The following IGHMBP2 variants were observed in gnomAD, a reference collection of about 807,000 sequenced individuals.
IGHMBP2 encodes the protein DNA-binding protein SMUBP-2.
In IGHMBP2, 81 loss-of-function variants were observed where a neutral mutation model predicts 96.0. The observed-to-expected ratio is 0.84, with a 90% CI of 0.71 to 1.01. IGHMBP2 has a LOEUF of 1.01. IGHMBP2 is among the 50% of genes least tolerant of loss of function. The pLI, the probability that IGHMBP2 is intolerant of heterozygous loss-of-function variation, is 0.00. For missense variants in IGHMBP2, 1,227 were observed against 1,306.3 expected (o/e 0.94, Z 0.94); for synonymous variants, 557 against 548.9 (o/e 1.01, Z -0.21).
chr11:68,934,739 T>A (rs1307677870), intron 11 of IGHMBP2, among the ~76,000 whole-genome samples, 181 bp downstream of exon 11: 6 of 152,232 alleles, frequency 3.9e-5, no homozygotes, highest in South Asian at 4.1e-4. Flanking sequence ...CGTGTTCGTC[T>A]GCCCGCCCCA....
At chr11:68,931,180 C>T (rs150448319) in intron 8 of IGHMBP2, among the ~76,000 whole-genome samples, 79 of 152,270 alleles carry the variant, frequency 5.2e-4, no homozygotes, top group African/African-American at 1.8e-3. Context: ...CTCTGAGATC[C>T]GAGTGGGTGC....
chr11:68,934,245 A>G (rs1859433826), intron 10 of IGHMBP2: 2 of 646,778 alleles, frequency 3.1e-6, no homozygotes, highest in Non-Finnish European at 2.8e-6. Flanking sequence ...ATGCACGGCC[A>G]TAGGAGTCAA....
intron 7 of IGHMBP2, among the ~76,000 whole-genome samples, chr11:68,928,164 T>G (rs1859143134): frequency 6.6e-6 from 1 of 152,202 alleles, no homozygotes; most frequent in South Asian, 2.1e-4. Context: ...TTGCTGGAAA[T>G]CAGGAGGCAT....
intron 4 of IGHMBP2, among the ~76,000 whole-genome samples, chr11:68,910,610 G>A (rs563221956): frequency 2.6e-5 from 4 of 152,176 alleles, no homozygotes; most frequent in Admixed American, 6.5e-5. Flanking sequence ...TTGGCCAGGC[G>A]CGGTGGCTCA....
At chr11:68,930,781 AG>A (rs1003265648) in intron 8 of IGHMBP2, among the ~76,000 whole-genome samples, 22 of 152,270 alleles carry the variant, frequency 1.4e-4, no homozygotes, top group African/African-American at 5.3e-4. Flanking sequence ...TCATCCGTCG[AG>A]TGTTCAGCTG....
rs1209510520 is a variant in IGHMBP2 at position 68,933,407 on chromosome 11, C to T, written c.1344C>T (p.Ile448=). 1.9e-6 allele frequency: 3 copies of T among 1,613,086 alleles called. No homozygotes were observed. The highest frequency in any genetic ancestry group is 1.6e-4 in the Middle Eastern group (1 of 6,084). ...LTVQYRMHQA[I]MRWASDTMYL... is the part of the protein sequence containing the mutation. ...TGCAGTACCGCATGCACCAGGCTAT[C>T]ATGCGCTGGGCCTCAGACACCATGT... The change falls in exon 9 of 15, where the codon ATC becomes ATT. Residue 448 remains isoleucine, a synonymous_variant. Coordinates refer to ENST00000255078, the MANE Select transcript of IGHMBP2 (RefSeq NM_002180.3).
chr11:68,939,588 G>A lies in IGHMBP2; in HGVS notation c.2839G>A (p.Glu947Lys). 2 of 1,613,276 alleles carry A rather than the reference G, an allele frequency of 1.2e-6. No homozygotes were observed. Among genetic ancestry groups the A allele is most frequent in the Non-Finnish European group, 1.7e-6 (2 of 1,180,018 alleles). The part of the protein sequence containing the change: ...RAHARQRISR[E>K]GVLYAGSGTK... ...CCATGCCCGGCAGAGAATCAGCCGG[G>A]AAGGGGTCCTCTATGCCGGCAGCGG... The change falls in exon 15 of 15, where the codon GAA (glutamate) becomes AAA (lysine). Residue 947 changes from glutamate (E) to lysine (K), a missense_variant. Glu to Lys is a moderately conservative substitution (Grantham distance 56). This residue lies in a region of IGHMBP2 where 703 missense variants were observed against 770.3 expected (regional missense o/e 0.91). Coordinates refer to ENST00000255078, the MANE Select transcript of IGHMBP2 (RefSeq NM_002180.3).
At chr11:68,929,802 C>A in intron 8 of IGHMBP2, 1 of 984,948 alleles carries the variant, frequency 1.0e-6, no homozygotes, top group Non-Finnish European at 1.2e-6. Flanking sequence ...ATGGTTCTGC[C>A]GTGCGGAGAC....
chr11:68,908,374 T>G, intron 3 of IGHMBP2, 37 bp downstream of exon 3: 1 of 1,579,658 alleles, frequency 6.3e-7, no homozygotes, highest in East Asian at 2.2e-5. Flanking sequence ...AGTACCATCT[T>G]CCTTCAACAC....
chr11:68,939,379 C>T (rs549772284), intron 14 of IGHMBP2, among the ~76,000 whole-genome samples, 155 bp from the exon 15 acceptor site: 2 of 152,168 alleles, frequency 1.3e-5, no homozygotes, highest in Admixed American at 6.5e-5. Context: ...GCCGCTCTCC[C>T]GCCAGGCAGC....
intron 5 of IGHMBP2, 33 bp from the exon 6 acceptor site, chr11:68,914,790 G>A: frequency 6.2e-7 from 1 of 1,612,046 alleles, no homozygotes; most frequent in Non-Finnish European, 8.5e-7. Context: ...TGATTACAAA[G>A]TAAATGACCA....
chr11:68,933,489 G>A lies in IGHMBP2; in HGVS notation c.1418+8G>A. On this transcript the variant is annotated splice_region_variant and intron_variant, in intron 9 of 14. Coordinates refer to ENST00000255078, the MANE Select transcript of IGHMBP2 (RefSeq NM_002180.3). ...GGCAAGGCACCTCCTGAGGTGAGTA[G>A]CTCGGCACCACCCGCCGCCCCATCC... 4 of 1,609,924 alleles carry A rather than the reference G, an allele frequency of 2.5e-6. No individual in the cohort carries two copies. Among genetic ancestry groups the A allele is most frequent in the Non-Finnish European group, 3.4e-6 (4 of 1,178,514 alleles).
At chr11:68,911,347 A>C in intron 4 of IGHMBP2, 93 bp from the exon 5 acceptor site, 1 of 1,304,990 alleles carries the variant, frequency 7.7e-7, no homozygotes, top group Non-Finnish European at 1.1e-6. Flanking sequence ...CCTGACAGGC[A>C]TCACTCATCC....
chr11:68,933,885 G>A lies in IGHMBP2; in HGVS notation c.1509G>A (p.Glu503=), dbSNP rs750814125. The change falls in exon 10 of 15, where the codon GAG becomes GAA. Residue 503 remains glutamate, a synonymous_variant. Coordinates refer to ENST00000255078, the MANE Select transcript of IGHMBP2 (RefSeq NM_002180.3). The stretch of plus-strand genomic sequence containing the variant: ...GCTGCGGGCTGTTTGAGCTGGAGGA[G>A]GAGGACGAACAGTCGAAAGGGAACC... The part of the protein sequence containing the change: ...TAGCGLFELE[E]EDEQSKGNPG... The A allele has an allele frequency of 6.2e-7, 1 of 1,600,988 alleles. No individual in the cohort carries two copies. Among genetic ancestry groups the A allele is most frequent in the Non-Finnish European group, 8.5e-7 (1 of 1,173,200 alleles).
chr11:68,911,303 T>C, intron 4 of IGHMBP2, 137 bp from the exon 5 acceptor site: 1 of 790,038 alleles, frequency 1.3e-6, no homozygotes, highest in Non-Finnish European at 2.2e-6. Context: ...AATTTTGTGT[T>C]GATTGGGTTG....
chr11:68,908,479 A>C, intron 3 of IGHMBP2, 55 bp from the exon 4 acceptor site: 1 of 1,499,284 alleles, frequency 6.7e-7, no homozygotes, highest in Non-Finnish European at 9.3e-7. Flanking sequence ...GCATTGGGGC[A>C]GAGGCTCGGG....
chr11:68,939,397 G>T, intron 14 of IGHMBP2, 137 bp from the exon 15 acceptor site: 1 of 901,060 alleles, frequency 1.1e-6, no homozygotes, highest in Non-Finnish European at 1.8e-6. Flanking sequence ...AGCCTGCAGG[G>T]TGAAGGACTG....
chr11:68,936,696 G>C lies in IGHMBP2; in HGVS notation c.2216G>C (p.Ser739Thr). The C allele has an allele frequency of 6.2e-7, 1 of 1,614,074 alleles. No homozygotes were observed. Among genetic ancestry groups the C allele is most frequent in the Non-Finnish European group, 8.5e-7 (1 of 1,180,040 alleles). The change falls in exon 13 of 15, where the codon AGC becomes ACC. Residue 739 changes from serine to threonine, a missense_variant. By Grantham distance (58) the Ser-to-Thr change is moderately conservative. This residue lies in a region of IGHMBP2 where 703 missense variants were observed against 770.3 expected (regional missense o/e 0.91). Coordinates refer to ENST00000255078, the MANE Select transcript of IGHMBP2 (RefSeq NM_002180.3). Reference protein sequence around the residue: ...FRAMIVEFMASKKMQLEFPPS... With the variant: ...FRAMIVEFMATKKMQLEFPPS... ...GCCATGATAGTGGAGTTCATGGCCA[G>C]CAAGAAGATGCAGTTGGAGTTTCCT...
At chr11:68,925,127 AAC>A (rs908630084) in intron 7 of IGHMBP2, among the ~76,000 whole-genome samples, 1 of 151,278 alleles carries the variant, frequency 6.6e-6, no homozygotes, top group Non-Finnish European at 1.5e-5. Flanking sequence ...TGCTCTAAGG[AAC>A]AGAGTCCAGG....
Sources: gnomAD v4.1 joint callset for allele counts (sites outside exome capture counted in the v4.1 genomes callset) on GRCh38, gnomAD v4.1.1 for gene constraint, gnomAD v4.1.1 regional missense constraint, MANE v1.5 for transcripts, NCBI Gene and HGNC (gene_info 2026-07-23, HGNC 2026-07-21) for gene names.